PACS1: variants seen among roughly 807,000 people sequenced by gnomAD.
PACS1 encodes phosphofurin acidic cluster sorting protein 1.
Under a neutral mutation model 115.0 loss-of-function variants are expected in PACS1, and 24 were observed. That is an observed-to-expected ratio of 0.21 (90% CI 0.15 to 0.29). PACS1 has a LOEUF of 0.29. Among genes scored for constraint, PACS1 ranks in the 10% least tolerant of loss-of-function variants. The pLI is 1.00. For synonymous variants in PACS1, 453 were observed against 504.5 expected, an observed-to-expected ratio of 0.90 and a Z score of 1.37; for missense variants, 838 against 1,251.2, an observed-to-expected ratio of 0.67 and a Z score of 4.98.
intron 1 of PACS1, among the ~76,000 whole-genome samples, chr11:66,134,092 G>T (rs1671375816): frequency 6.6e-6 from 1 of 151,802 alleles, no homozygotes; most frequent in Non-Finnish European, 1.5e-5. Flanking sequence ...ATTGTTCCAG[G>T]TTCCTCTCTG....
chr11:66,188,205 A>G (rs1211196695), intron 1 of PACS1, among the ~76,000 whole-genome samples: 5 of 91,306 alleles, frequency 5.5e-5, no homozygotes, highest in Admixed American at 1.2e-4. Context: ...AGTTCTTTGT[A>G]TATTCTGGGT....
At chr11:66,078,907 T>G (rs1437566021) in intron 1 of PACS1, among the ~76,000 whole-genome samples, 2 of 152,168 alleles carry the variant, frequency 1.3e-5, no homozygotes, top group Non-Finnish European at 2.9e-5. Flanking sequence ...TTCAGCTGTT[T>G]TCTTTTCTTT....
intron 1 of PACS1, among the ~76,000 whole-genome samples, chr11:66,114,775 G>T (rs949359207): frequency 6.6e-6 from 1 of 152,054 alleles, no homozygotes; most frequent in African/African-American, 2.4e-5. Context: ...CTGTGACTGC[G>T]GACTTCATTA....
At chr11:66,170,389 TAATAA>T (rs1399175374) in intron 1 of PACS1, among the ~76,000 whole-genome samples, 3 of 150,472 alleles carry the variant, frequency 2.0e-5, no homozygotes, top group South Asian at 4.1e-4. Flanking sequence ...CTTTAAAAAA[TAATAA>T]AATAAAGTTT....
At position 66,075,763 on chromosome 11, in the gene PACS1, G is replaced by A. The variant is rs1413461868; in HGVS notation, c.356+4921G>A. Among the ~76,000 whole-genome samples the A allele has an allele frequency of 7.9e-5, 11 of 139,218 alleles. No individual in the cohort carries two copies. The South Asian group carries it at 1.6e-3, about 20-fold the overall frequency. The allele number at this position is 139,218 out of a possible 152,430, so 91.3% of individuals were successfully genotyped here. On this transcript the variant is annotated intron_variant, in intron 1 of 23. Transcript: ENST00000320580. ...CTTTTTTTTTTTTTTTTTTTGAGACGGAGTCTCGCTCTGTCCCCCGGCTGG... is the reference window on the plus strand; with the variant it reads ...CTTTTTTTTTTTTTTTTTTTGAGACAGAGTCTCGCTCTGTCCCCCGGCTGG...
intron 7 of PACS1, chr11:66,218,253 G>A (rs555982322): frequency 6.6e-6 from 1 of 152,260 alleles, no homozygotes; most frequent in African/African-American, 2.4e-5. Flanking sequence ...TCCCCAGATG[G>A]CGAGTCTGTC....
chr11:66,122,075 C>G (rs924942700), intron 1 of PACS1, among the ~76,000 whole-genome samples: 4 of 152,080 alleles, frequency 2.6e-5, no homozygotes, highest in African/African-American at 9.7e-5. Flanking sequence ...CAGGCTGACT[C>G]TCTTGTTAGG....
intron 1 of PACS1, among the ~76,000 whole-genome samples, chr11:66,085,939 GAGGCCAATAC>G (rs1857558325): frequency 6.6e-6 from 1 of 152,192 alleles, no homozygotes; most frequent in Non-Finnish European, 1.5e-5. Context: ...CCTATAAATA[GAGGCCAATAC>G]AGGTGTATTG....
At chr11:66,113,748 G>A (rs141318543) in intron 1 of PACS1, among the ~76,000 whole-genome samples, 81 of 152,254 alleles carry the variant, frequency 5.3e-4, no homozygotes, top group African/African-American at 1.9e-3. Flanking sequence ...TGACTGTCTC[G>A]TGATCAAACT....
chr11:66,228,541 G>A (rs1213027515), intron 11 of PACS1, among the ~76,000 whole-genome samples: 4 of 152,146 alleles, frequency 2.6e-5, no homozygotes, highest in Non-Finnish European at 5.9e-5. Flanking sequence ...GTACAGTGTG[G>A]CCTTTTCAAA....
At chr11:66,136,323 T>TCACACACACACA (rs61577143) in intron 1 of PACS1, among the ~76,000 whole-genome samples, 2,294 of 145,868 alleles carry the variant, frequency 0.016, 28 homozygotes, top group South Asian at 0.048. Flanking sequence ...AATCCCACTG[T>TCACACACACACA]CACACACACA....
At chr11:66,242,722 G>C (rs146510386) in intron 22 of PACS1, among the ~76,000 whole-genome samples, 190 bp from the exon 23 acceptor site, 2 of 152,300 alleles carry the variant, frequency 1.3e-5, no homozygotes, top group African/African-American at 4.8e-5. Flanking sequence ...CTTAGCCAAA[G>C]TCACCAGCCC....
intron 1 of PACS1, among the ~76,000 whole-genome samples, chr11:66,174,138 G>A (rs745344696): frequency 1.3e-5 from 2 of 151,628 alleles, no homozygotes; most frequent in Non-Finnish European, 2.9e-5. Flanking sequence ...AAAATCATTA[G>A]TCGCTTGAGA....
chr11:66,201,134 G>A (rs1301424930), intron 2 of PACS1, among the ~76,000 whole-genome samples: 1 of 151,942 alleles, frequency 6.6e-6, no homozygotes, highest in Non-Finnish European at 1.5e-5. Context: ...CAGGAGAATT[G>A]CTTGAACCCT....
intron 1 of PACS1, among the ~76,000 whole-genome samples, chr11:66,151,546 T>C (rs1859239988): frequency 6.6e-6 from 1 of 152,174 alleles, no homozygotes; most frequent in South Asian, 2.1e-4. Context: ...TAGCAGCTGC[T>C]TCATACGACA....
intron 1 of PACS1, among the ~76,000 whole-genome samples, chr11:66,182,856 G>A (rs570115148): frequency 6.6e-6 from 1 of 152,338 alleles, no homozygotes; most frequent in East Asian, 1.9e-4. Flanking sequence ...CTTAAGCTGG[G>A]TGTGGTTGCT....
chr11:66,240,262 C>G (rs1855784685), intron 21 of PACS1, among the ~76,000 whole-genome samples: 1 of 152,088 alleles, frequency 6.6e-6, no homozygotes, highest in Non-Finnish European at 1.5e-5. Context: ...TCTTTAGGAT[C>G]TCAAGTATCT....
intron 1 of PACS1, among the ~76,000 whole-genome samples, chr11:66,190,123 A>G (rs1326004320): frequency 1.3e-5 from 2 of 152,220 alleles, no homozygotes; most frequent in East Asian, 1.9e-4. Context: ...TCTCTTTTTT[A>G]TAAAACATCT....
intron 1 of PACS1, among the ~76,000 whole-genome samples, chr11:66,180,708 G>T (rs1049975412): frequency 1.3e-5 from 2 of 151,878 alleles, no homozygotes; most frequent in African/African-American, 4.8e-5. Flanking sequence ...AACCAGGCTG[G>T]ATTGCAGTGG....
Sources: allele counts gnomAD v4.1 joint callset (sites outside exome capture counted in the v4.1 genomes callset), GRCh38; gene constraint gnomAD v4.1.1; transcripts MANE v1.5; gene names NCBI Gene and HGNC (gene_info 2026-07-23, HGNC 2026-07-21).